WNK2: variants seen among roughly 807,000 people sequenced by gnomAD.
The protein encoded by WNK2 is serine/threonine-protein kinase WNK2.
A neutral mutation model predicts 192.1 loss-of-function variants in WNK2; 67 were observed. The observed-to-expected ratio is 0.35, with a 90% CI of 0.29 to 0.43. The LOEUF (loss-of-function observed/expected upper bound fraction) is 0.43. WNK2 is among the 20% of genes least tolerant of loss of function. The probability of loss-of-function intolerance (pLI) is 1.00; values close to 1 mark genes in which losing one functional copy is unlikely to be tolerated. For synonymous variants in WNK2, 1,439 were observed against 1,393.9 expected (o/e 1.03, Z -0.72); for missense variants, 2,698 against 3,089.7 (o/e 0.87, Z 3.01).
At position 93,299,057 on chromosome 9, in the gene WNK2, TC is replaced by T; in HGVS notation, c.5924-7del. On this transcript the variant is annotated splice_polypyrimidine_tract_variant and intron_variant, in intron 24 of 29. Coordinates refer to ENST00000427277, the MANE Select transcript of WNK2 (RefSeq NM_006648.4). ...GCCTCATCGTGCCTGTCGCCTCTTC[TC>T]CCCCCGCCCAGGTCACTTGGCTGAC... The T allele has an allele frequency of 1.9e-6, 3 of 1,603,652 alleles. No individual in the cohort carries two copies. The highest frequency in any genetic ancestry group is 1.1e-5 in the South Asian group (1 of 90,456).
At chr9:93,197,874 C>T (rs757472044) in intron 2 of WNK2, among the ~76,000 whole-genome samples, 3 of 152,122 alleles carry the variant, frequency 2.0e-5, no homozygotes, top group Non-Finnish European at 2.9e-5. Context: ...GGCTCGGGTG[C>T]TGCATGTGTA....
At chr9:93,258,309 C>T (rs1452880369) in intron 11 of WNK2, among the ~76,000 whole-genome samples, 3 of 152,170 alleles carry the variant, frequency 2.0e-5, no homozygotes, top group East Asian at 3.9e-4. Flanking sequence ...GGCAAGGTTT[C>T]GGGAGTTCCT....
At chr9:93,204,610 G>A (rs1833052498) in intron 2 of WNK2, among the ~76,000 whole-genome samples, 1 of 152,250 alleles carries the variant, frequency 6.6e-6, no homozygotes, top group Non-Finnish European at 1.5e-5. Flanking sequence ...GGTGGGGAAG[G>A]GTGCTGACTC....
chr9:93,301,247 T>C (rs576503255), intron 26 of WNK2, among the ~76,000 whole-genome samples: 259 of 152,334 alleles, frequency 1.7e-3, no homozygotes, highest in Non-Finnish European at 3.0e-3. Flanking sequence ...TTTTCAACAA[T>C]TGGATTGGAT....
chr9:93,215,301 A>G (rs1384868399), intron 2 of WNK2, among the ~76,000 whole-genome samples: 1 of 151,960 alleles, frequency 6.6e-6, no homozygotes, highest in Non-Finnish European at 1.5e-5. Context: ...TAGTAGAGAC[A>G]GTTTCGTCAT....
intron 2 of WNK2, among the ~76,000 whole-genome samples, chr9:93,191,412 A>C (rs1427253184): frequency 6.6e-6 from 1 of 152,134 alleles, no homozygotes; most frequent in Non-Finnish European, 1.5e-5. Context: ...CTGGGGTACC[A>C]TAGTGAGCAG....
At chr9:93,287,687 T>C (rs1353189612) in intron 19 of WNK2, among the ~76,000 whole-genome samples, 1 of 152,074 alleles carries the variant, frequency 6.6e-6, no homozygotes, top group Non-Finnish European at 1.5e-5. Flanking sequence ...GGCATCAGGG[T>C]CCTATTAATC....
intron 2 of WNK2, among the ~76,000 whole-genome samples, chr9:93,197,133 A>G (rs967501796): frequency 1.3e-5 from 2 of 152,180 alleles, no homozygotes; most frequent in Non-Finnish European, 2.9e-5. Context: ...ACCAACAGAG[A>G]AGTTGGAGTT....
chr9:93,317,769 AC>A, intron 29 of WNK2, 138 bp downstream of exon 29: 17 of 1,461,906 alleles, frequency 1.2e-5, no homozygotes, highest in East Asian at 5.0e-5. Flanking sequence ...CAGCTGGAAC[AC>A]CCCCCAGGTG....
chr9:93,213,481 T>C (rs1273425331), intron 2 of WNK2, among the ~76,000 whole-genome samples: 1 of 152,362 alleles, frequency 6.6e-6, no homozygotes, highest in Non-Finnish European at 1.5e-5. Context: ...AAATTCGTTA[T>C]AGATTCATTT....
chr9:93,218,844 CA>C (rs1432673538), intron 2 of WNK2, among the ~76,000 whole-genome samples: 1 of 152,244 alleles, frequency 6.6e-6, no homozygotes, highest in Non-Finnish European at 1.5e-5. Context: ...CCCTCTGCCC[CA>C]GGGACCCCTT....
chr9:93,190,435 C>T (rs539179175), intron 2 of WNK2, among the ~76,000 whole-genome samples: 7 of 152,340 alleles, frequency 4.6e-5, no homozygotes, highest in African/African-American at 1.7e-4. Flanking sequence ...CAGGACCAGG[C>T]CACCATGGGA....
At chr9:93,297,100 TTCCTCCCCTTGGCGTCCTCCCCTCGGCG>T (rs1270989117) in intron 23 of WNK2, among the ~76,000 whole-genome samples, 21 of 130,688 alleles carry the variant, frequency 1.6e-4, no homozygotes, top group African/African-American at 4.8e-4. Context: ...TCCCCTCGGC[TTCCTCCCCTTGGCGTCCTCCCCTCGGCG>T]TCCTCCCCTC....
At chr9:93,200,187 C>T (rs1346709618) in intron 2 of WNK2, among the ~76,000 whole-genome samples, 1 of 152,178 alleles carries the variant, frequency 6.6e-6, no homozygotes, top group Non-Finnish European at 1.5e-5. Context: ...GGCCCTGACA[C>T]CCCTGGGGAC....
rs535181599 is a variant in WNK2, at chr9:93,258,012, C to T, written c.2382+873C>T. 1.5e-4 allele frequency among the ~76,000 whole-genome samples: 23 copies of T among 152,346 alleles called. No homozygotes were observed. The South Asian group carries it at 4.3e-3, about 29-fold the overall frequency. On this transcript the variant is annotated intron_variant, in intron 11 of 29. Coordinates refer to ENST00000427277, the MANE Select transcript of WNK2 (RefSeq NM_006648.4). The stretch of plus-strand genomic sequence containing the variant: ...GGCAAGTGAGTGTTCCTGTGATTCA[C>T]GAGCCCCACCTGGAAGATTCTTTTG...
At chr9:93,189,812 G>A (rs943308335) in intron 2 of WNK2, among the ~76,000 whole-genome samples, 1 of 152,250 alleles carries the variant, frequency 6.6e-6, no homozygotes, top group Non-Finnish European at 1.5e-5. Context: ...GGGGACTGGA[G>A]AGCCTGCGTG....
chr9:93,260,693 G>A (rs961685881), intron 12 of WNK2, among the ~76,000 whole-genome samples: 2 of 152,214 alleles, frequency 1.3e-5, no homozygotes, highest in African/African-American at 4.8e-5. Flanking sequence ...AGGAAGGGAT[G>A]GTACATATTG....
intron 14 of WNK2, chr9:93,263,230 A>G: frequency 2.3e-6 from 1 of 442,986 alleles, no homozygotes; most frequent in Non-Finnish European, 4.1e-6. Context: ...GATTGGCCTC[A>G]CAACAGTGGT....
chr9:93,291,236 C>T (rs1035930589), intron 21 of WNK2, among the ~76,000 whole-genome samples: 4 of 152,172 alleles, frequency 2.6e-5, no homozygotes, highest in East Asian at 1.9e-4. Flanking sequence ...TGGCGCTCCA[C>T]GGACTCTGAC....
Sources: gnomAD v4.1 joint callset for allele counts (sites outside exome capture counted in the v4.1 genomes callset) on GRCh38, gnomAD v4.1.1 for gene constraint, MANE v1.5 for transcripts, NCBI Gene and HGNC (gene_info 2026-07-23, HGNC 2026-07-21) for gene names.